Variants in CCSER1 observed in about 807,000 individuals in gnomAD.
The protein encoded by CCSER1 is coiled-coil serine rich protein 1, also known as serine-rich coiled-coil domain-containing protein 1.
A neutral mutation model predicts 82.0 loss-of-function variants in CCSER1; 41 were observed. The ratio of observed to expected loss-of-function variants is 0.50; its 90% CI spans 0.39 to 0.65. The LOEUF (loss-of-function observed/expected upper bound fraction) is 0.65. Ranked by LOEUF, CCSER1 falls within the 30% of genes least tolerant of loss-of-function variation. CCSER1 has a pLI of 0.00. For missense variants in CCSER1, 1,119 were observed against 1,064.2 expected, an observed-to-expected ratio of 1.05 and a Z score of -0.72; for synonymous variants, 414 against 383.9, an observed-to-expected ratio of 1.08 and a Z score of -0.92.
chr4:91,389,476 T>G (rs1039573148), intron 10 of CCSER1, among the ~76,000 whole-genome samples: 36 of 152,190 alleles, frequency 2.4e-4, no homozygotes, highest in African/African-American at 8.2e-4. Flanking sequence ...CTCTGATTAC[T>G]GTAGCTTTAT....
intron 6 of CCSER1, among the ~76,000 whole-genome samples, chr4:90,701,769 C>G (rs1738197865): frequency 6.6e-6 from 1 of 152,114 alleles, no homozygotes; most frequent in Non-Finnish European, 1.5e-5. Flanking sequence ...ATTTGGCTCT[C>G]TGTTTGTCTG....
intron 1 of CCSER1, among the ~76,000 whole-genome samples, chr4:90,230,121 C>A (rs1299887033): frequency 1.3e-5 from 2 of 152,124 alleles, no homozygotes; most frequent in Admixed American, 1.3e-4. Flanking sequence ...CCAAGCGGAC[C>A]TAATAGACAT....
At chr4:91,151,756 T>C (rs1371889103) in intron 10 of CCSER1, among the ~76,000 whole-genome samples, 1 of 152,230 alleles carries the variant, frequency 6.6e-6, no homozygotes, top group Non-Finnish European at 1.5e-5. Context: ...AAGAGCAGGT[T>C]GTTCAGTTTC....
At chr4:90,602,466 AT>A (rs905504645) in intron 5 of CCSER1, among the ~76,000 whole-genome samples, 5 of 152,120 alleles carry the variant, frequency 3.3e-5, no homozygotes, top group African/African-American at 1.2e-4. Flanking sequence ...CAAATGAGAC[AT>A]TGTGCCTTCA....
At chr4:90,582,083 A>G (rs570595364) in intron 5 of CCSER1, among the ~76,000 whole-genome samples, 87 of 152,260 alleles carry the variant, frequency 5.7e-4, no homozygotes, top group Non-Finnish European at 1.0e-3. Context: ...AACATGGGTT[A>G]CATCTGAATA....
chr4:91,201,401 A>G (rs530508252), intron 10 of CCSER1, among the ~76,000 whole-genome samples: 2 of 152,244 alleles, frequency 1.3e-5, no homozygotes, highest in African/African-American at 4.8e-5. Context: ...TGAAAGATTC[A>G]TGTTAACATG....
At chr4:91,321,065 C>T (rs1344877263) in intron 10 of CCSER1, among the ~76,000 whole-genome samples, 1 of 151,986 alleles carries the variant, frequency 6.6e-6, no homozygotes, top group Non-Finnish European at 1.5e-5. Context: ...TAACTTCTTC[C>T]TGTTATTTTA....
rs371998822 is a variant in CCSER1, at chr4:91,148,673, C to T, written c.2217+62679C>T. On this transcript the variant is annotated intron_variant, in intron 10 of 10. Transcript: ENST00000509176. The stretch of plus-strand genomic sequence containing the variant: ...TGACAGGCCCCGGTGTGTGATGTTC[C>T]GCATCCTGTGTCCAAATGTTCTCAT... Among the ~76,000 whole-genome samples, 62 of 152,172 alleles carry T rather than the reference C, an allele frequency of 4.1e-4. 1 individual carries two copies. In the South Asian group the frequency reaches 7.9e-3, roughly 19 times the overall value.
intron 5 of CCSER1, among the ~76,000 whole-genome samples, chr4:90,527,354 T>A (rs1230434775): frequency 6.6e-6 from 1 of 152,140 alleles, no homozygotes; most frequent in Non-Finnish European, 1.5e-5. Flanking sequence ...AAGCTCATGA[T>A]CACTGGTCAT....
chr4:90,293,368 C>G (rs553875101), intron 1 of CCSER1, among the ~76,000 whole-genome samples: 1 of 151,386 alleles, frequency 6.6e-6, no homozygotes, highest in Non-Finnish European at 1.5e-5. Flanking sequence ...TCGAGTTTTT[C>G]TTTGATCTAA....
rs1250138638 is a variant in CCSER1 at position 90,942,554 on chromosome 4, A to C, written c.2172+19107A>C. 3.3e-5 allele frequency among the ~76,000 whole-genome samples: 5 copies of C among 152,222 alleles called. No individual in the cohort carries two copies. The East Asian group carries it at 9.6e-4, about 29-fold the overall frequency. ...AATATTTTCTGGCTACTTTCTTACT[A>C]TCTGAAAGCTGTTTGCCTCCTTAAT... On this transcript the variant is annotated intron_variant, in intron 9 of 10. Coordinates refer to ENST00000509176, the MANE Select transcript of CCSER1 (RefSeq NM_001145065.2).
intron 5 of CCSER1, among the ~76,000 whole-genome samples, chr4:90,508,484 C>G (rs1002729868): frequency 6.6e-6 from 1 of 151,978 alleles, no homozygotes; most frequent in Non-Finnish European, 1.5e-5. Context: ...TTAAATTTTT[C>G]TCTACATAGG....
intron 8 of CCSER1, among the ~76,000 whole-genome samples, chr4:90,920,143 T>C (rs541587923): frequency 3.2e-4 from 48 of 152,042 alleles, no homozygotes; most frequent in African/African-American, 1.1e-3. Context: ...TGTAAATTCA[T>C]TGGTGGTCAA....
At chr4:90,756,200 C>G (rs74766278) in intron 7 of CCSER1, among the ~76,000 whole-genome samples, 1 of 151,966 alleles carries the variant, frequency 6.6e-6, no homozygotes, top group Non-Finnish European at 1.5e-5. Flanking sequence ...TGCACTCCAG[C>G]CTGGGTGACA....
At position 90,308,838 on chromosome 4, in the gene CCSER1, T is replaced by A; in HGVS notation, c.554T>A (p.Phe185Tyr). 1 of 1,613,770 alleles carries A rather than the reference T, an allele frequency of 6.2e-7. No individual in the cohort carries two copies. Among genetic ancestry groups the A allele is most frequent in the Non-Finnish European group, 8.5e-7 (1 of 1,179,816 alleles). ...QSTRKLLPKS[F>Y]SSHYKFSKPV... Reference sequence around the variant, plus strand: ...ACAAGGAAGCTACTCCCTAAATCTTTTTCATCTCACTATAAATTTTCTAAG... The same window carrying A: ...ACAAGGAAGCTACTCCCTAAATCTTATTCATCTCACTATAAATTTTCTAAG... The change falls in exon 2 of 11, where the codon TTT (phenylalanine) becomes TAT (tyrosine). Residue 185 changes from phenylalanine to tyrosine, a missense_variant. Coordinates refer to ENST00000509176, the MANE Select transcript of CCSER1 (RefSeq NM_001145065.2).
chr4:90,604,095 A>G (rs1014561991), intron 5 of CCSER1, among the ~76,000 whole-genome samples: 7 of 152,172 alleles, frequency 4.6e-5, no homozygotes, highest in African/African-American at 1.4e-4. Flanking sequence ...TCTATGAAAT[A>G]TATTATTCTC....
chr4:90,184,907 C>T (rs1423261041), intron 1 of CCSER1, among the ~76,000 whole-genome samples: 1 of 152,050 alleles, frequency 6.6e-6, no homozygotes, highest in African/African-American at 2.4e-5. Flanking sequence ...AGATTTTCTA[C>T]ATAGTTGGAT....
chr4:90,174,680 G>A (rs1407745101), intron 1 of CCSER1, among the ~76,000 whole-genome samples: 1 of 151,920 alleles, frequency 6.6e-6, no homozygotes, highest in East Asian at 1.9e-4. Flanking sequence ...ATCCCCTTTA[G>A]GTATTCTGCT....
chr4:91,597,899 A>G (rs1463015228), intron 10 of CCSER1, among the ~76,000 whole-genome samples: 1 of 152,208 alleles, frequency 6.6e-6, no homozygotes, highest in African/African-American at 2.4e-5. Context: ...GCATGATTCA[A>G]TGAGCTATGC....
Sources: allele counts gnomAD v4.1 joint callset (sites outside exome capture counted in the v4.1 genomes callset), GRCh38; gene constraint gnomAD v4.1.1; transcripts MANE v1.5; gene names NCBI Gene and HGNC (gene_info 2026-07-23, HGNC 2026-07-21).